Variants in PRDM7 observed in about 807,000 individuals in gnomAD.
PRDM7 encodes the protein PR/SET domain 7.
A neutral mutation model predicts 64.3 loss-of-function variants in PRDM7; 52 were observed. The observed-to-expected ratio is 0.81, with a 90% CI of 0.65 to 1.02. The LOEUF is 1.02. Ranked by LOEUF, PRDM7 falls within the 50% of genes least tolerant of loss-of-function variation. The pLI, the probability that PRDM7 is intolerant of heterozygous loss-of-function variation, is 0.00. For synonymous variants in PRDM7, 192 were observed against 210.1 expected (o/e 0.91, Z 0.74); for missense variants, 574 against 597.1 (o/e 0.96, Z 0.40).
rs899744489 is a variant in PRDM7, at chr16:90,058,031, TC to T, written c.*257del. 55 of 1,610,890 alleles carry T rather than the reference TC, an allele frequency of 3.4e-5. No homozygotes were observed. In the African/African-American group the frequency reaches 6.8e-4, roughly 20 times the overall value. On this transcript the variant is annotated 3_prime_UTR_variant, in exon 11 of 11. Coordinates refer to ENST00000449207, the MANE Select transcript of PRDM7 (RefSeq NM_001098173.2). ...CCACACTCTCTGCAGACGTAGGGCTTCCCCCCTGTGTGTGTCCTTTGGTGTG... is the reference window on the plus strand; with the variant it reads ...CCACACTCTCTGCAGACGTAGGGCTTCCCCCTGTGTGTGTCCTTTGGTGTG...
At position 90,058,421 on chromosome 16, in the gene PRDM7, A is replaced by C; in HGVS notation, c.1347T>G (p.His449Gln). 1 of 1,614,172 alleles carries C rather than the reference A, an allele frequency of 6.2e-7. No individual in the cohort carries two copies. Among genetic ancestry groups the C allele is most frequent in the Non-Finnish European group, 8.5e-7 (1 of 1,180,028 alleles). Residue 449 changes from histidine (H) to glutamine (Q), a missense_variant, in exon 11 of 11, where the codon CAT becomes CAG. His to Gln is a conservative substitution (Grantham distance 24, BLOSUM62 0). Coordinates refer to ENST00000449207, the MANE Select transcript of PRDM7 (RefSeq NM_001098173.2). The part of the protein sequence containing the change: ...AITPLRTSQD[H>Q]LQENFSNQRI... Reference sequence around the variant, plus strand: ...TCTGGTTGGAGAAGTTTTCTTGCAGATGGTCCTGGGAAGTTCTGAGAGGAG... The same window carrying C: ...TCTGGTTGGAGAAGTTTTCTTGCAGCTGGTCCTGGGAAGTTCTGAGAGGAG...
chr16:90,067,177 G>A (rs2037888374), intron 4 of PRDM7, among the ~76,000 whole-genome samples: 1 of 151,070 alleles, frequency 6.6e-6, no homozygotes, highest in South Asian at 2.1e-4. Context: ...TGTTGGCGAT[G>A]CTGGTCTCGA....
At chr16:90,066,402 T>C (rs1380667855) in intron 5 of PRDM7, among the ~76,000 whole-genome samples, 1 of 151,328 alleles carries the variant, frequency 6.6e-6, no homozygotes, top group Non-Finnish European at 1.5e-5. Context: ...TAAAGACATA[T>C]GGGTAAGACA....
chr16:90,058,238 T>C lies in PRDM7; in HGVS notation c.*51A>G, dbSNP rs2037712327. On this transcript the variant is annotated 3_prime_UTR_variant, in exon 11 of 11. Transcript: ENST00000449207. ...ACTCTAGAGCTCCCCATTTGTCCTT[T>C]GGGTGGGCTAGAAAAGGCCCTTGAA... The C allele has an allele frequency of 3.1e-6, 5 of 1,614,156 alleles. No homozygotes were observed. The highest frequency in any genetic ancestry group is 1.1e-5 in the South Asian group (1 of 91,088).
In PRDM7 at chr16:90,057,755, A is replaced by C. The variant is rs2037706027; in HGVS notation, c.*534T>G. On this transcript the variant is annotated 3_prime_UTR_variant, in exon 11 of 11. Coordinates refer to ENST00000449207, the MANE Select transcript of PRDM7 (RefSeq NM_001098173.2). Reference sequence around the variant, plus strand: ...GGGTTAGCAGACTTTCGCTGAAGCCACCTCAGAGCTGGGGTGTGCAAGTGT... The same window carrying C: ...GGGTTAGCAGACTTTCGCTGAAGCCCCCTCAGAGCTGGGGTGTGCAAGTGT... 1 of 1,287,484 alleles carries C rather than the reference A, an allele frequency of 7.8e-7. No homozygotes were observed. The highest frequency in any genetic ancestry group is 1.0e-6 in the Non-Finnish European group (1 of 987,582). The allele number at this position is 1,287,484 out of a possible 1,614,324, so 79.8% of individuals were successfully genotyped here.
In PRDM7 at chr16:90,076,075, T is replaced by A. The variant is rs1254753915; in HGVS notation, c.-85-80A>T. The stretch of plus-strand genomic sequence containing the variant: ...CAAGGCTCTGTCTTCTCCATCTGGC[T>A]GGGGTGTTCAGAGCAGGAAGACTGG... On this transcript the variant is annotated intron_variant, in intron 1 of 10. Coordinates refer to ENST00000449207, the MANE Select transcript of PRDM7 (RefSeq NM_001098173.2). 3.7e-6 allele frequency: 3 copies of A among 808,520 alleles called. No individual in the cohort carries two copies. The Admixed American group carries it at 7.6e-5, about 20-fold the overall frequency. The allele number at this position is 808,520 out of a possible 1,614,324, so 50.1% of individuals were successfully genotyped here.
At position 90,075,820 on chromosome 16, in the gene PRDM7, C is replaced by A. The variant is rs1025846506; in HGVS notation, c.69+22G>T. ...AGATCAGCTCCTGCTGGGAGTCTGG[C>A]TTCGCCTCCCCGACTTCTCACCATG... On this transcript the variant is annotated intron_variant, in intron 2 of 10. Coordinates refer to ENST00000449207, the MANE Select transcript of PRDM7 (RefSeq NM_001098173.2). This position sits in a 1 kb window ranked among gnomAD's most constrained non-coding sequence, Gnocchi z 4.3. 3 of 1,611,582 alleles carry A rather than the reference C, an allele frequency of 1.9e-6. No homozygotes were observed. The highest frequency in any genetic ancestry group is 1.7e-5 in the Admixed American group (1 of 59,724).
chr16:90,075,334 C>T lies in PRDM7; in HGVS notation c.193+17G>A. ...TTATATCGCCCAGGCTGGTCTGTGCCCAGCACTTCCTGTTACCTACAGTAA... is the reference window on the plus strand; with the variant it reads ...TTATATCGCCCAGGCTGGTCTGTGCTCAGCACTTCCTGTTACCTACAGTAA... On this transcript the variant is annotated intron_variant, in intron 3 of 10. Transcript: ENST00000449207. This position sits in a 1 kb window ranked among gnomAD's most constrained non-coding sequence, Gnocchi z 4.3. 6.2e-7 allele frequency: 1 copy of T among 1,614,164 alleles called. No individual in the cohort carries two copies. The highest frequency in any genetic ancestry group is 8.5e-7 in the Non-Finnish European group (1 of 1,180,044).
At position 90,062,132 on chromosome 16, in the gene PRDM7, A is replaced by C. The variant is rs1246681194; in HGVS notation, c.671T>G (p.Phe224Cys). The change falls in exon 8 of 11, where the codon TTT (phenylalanine) becomes TGT (cysteine). Residue 224 changes from phenylalanine to cysteine, a missense_variant. Transcript: ENST00000449207. ...DSCAAHGPPT[F>C]VKDSAVDKGH... ...CTTGTCCACTGCACTGTCCTTTACA[A>C]ATGTAGGGGGCCCATGAGCAGCACA... The C allele has an allele frequency of 6.2e-7, 1 of 1,614,230 alleles. No homozygotes were observed. Among genetic ancestry groups the C allele is most frequent in the South Asian group, 1.1e-5 (1 of 91,086 alleles).
At chr16:90,061,608 C>T in intron 8 of PRDM7, 89 bp from the exon 9 acceptor site, 1 of 1,460,664 alleles carries the variant, frequency 6.8e-7, no homozygotes. Flanking sequence ...GCCTTTGGAC[C>T]TGCAGAGCTT....
chr16:90,073,695 A>G (rs1163599498), intron 4 of PRDM7, among the ~76,000 whole-genome samples: 2 of 151,514 alleles, frequency 1.3e-5, no homozygotes, highest in African/African-American at 2.4e-5. Flanking sequence ...TTTGTTGAAC[A>G]TTTATGTTTT....
chr16:90,068,031 A>C (rs1233574133), intron 4 of PRDM7, among the ~76,000 whole-genome samples: 1 of 151,378 alleles, frequency 6.6e-6, no homozygotes, highest in East Asian at 1.9e-4. Context: ...CAATTAGGCC[A>C]GTAAAATAAA....
intron 10 of PRDM7, among the ~76,000 whole-genome samples, chr16:90,059,870 A>G (rs2037742335): frequency 1.3e-5 from 2 of 152,228 alleles, no homozygotes; most frequent in African/African-American, 2.4e-5. Flanking sequence ...TCTGTTCAAG[A>G]GCAGTTTTTT....
At position 90,063,641 on chromosome 16, in the gene PRDM7, G is replaced by C. The variant is rs1410436638; in HGVS notation, c.479C>G (p.Thr160Ser). Residue 160 changes from threonine to serine, a missense_variant, in exon 6 of 11, where the codon ACC (threonine) becomes AGC (serine). Physicochemically the swap from Thr to Ser is moderately conservative, Grantham distance 58 (BLOSUM62 1). Transcript: ENST00000449207. ...TTTTAGTCTAGAGTGCTGTCCAGAGGTACTTGCTTCTCCAGGAGGGGACAC... is the reference window on the plus strand; with the variant it reads ...TTTTAGTCTAGAGTGCTGTCCAGAGCTACTTGCTTCTCCAGGAGGGGACAC... ...KPVSPPGEAS[T>S]SGQHSRLKLE... 2 of 1,613,792 alleles carry C rather than the reference G, an allele frequency of 1.2e-6. No individual in the cohort carries two copies. Among genetic ancestry groups the C allele is most frequent in the South Asian group, 2.2e-5 (2 of 91,058 alleles).
chr16:90,063,759 T>TG lies in PRDM7; in HGVS notation c.360dup (p.Lys121GlnfsTer6), dbSNP rs761494852. 37 of 1,614,076 alleles carry TG rather than the reference T, an allele frequency of 2.3e-5. 1 individual carries two copies. Among genetic ancestry groups the TG allele is most frequent in the Admixed American group, 1.5e-4 (9 of 60,006 alleles). On this transcript the variant is annotated frameshift_variant, in exon 6 of 11. Transcript: ENST00000449207. LOFTEE classifies it high-confidence loss of function. ...CTAGATTCATTATTGAATGACGCCT[T>TG]GGGCATTCCCTTTAATGTGAGAATC...
chr16:90,063,595 C>G lies in PRDM7; in HGVS notation c.508+17G>C. On this transcript the variant is annotated intron_variant, in intron 6 of 10. Coordinates refer to ENST00000449207, the MANE Select transcript of PRDM7 (RefSeq NM_001098173.2). ...GAGGACATAGAGGGACTAAATTCCC[C>G]TCAAATTTTTTCTTACCCAGTTTTA... 1.9e-6 allele frequency: 3 copies of G among 1,612,150 alleles called. No individual in the cohort carries two copies. The highest frequency in any genetic ancestry group is 2.5e-6 in the Non-Finnish European group (3 of 1,179,636).
intron 1 of PRDM7, among the ~76,000 whole-genome samples, chr16:90,076,609 G>A (rs567042702): frequency 6.6e-6 from 1 of 152,122 alleles, no homozygotes; most frequent in African/African-American, 2.4e-5. Context: ...GAGGAGCTTT[G>A]GTATCCCTCA....
chr16:90,072,319 C>T (rs1376269525), intron 4 of PRDM7, among the ~76,000 whole-genome samples: 2 of 151,732 alleles, frequency 1.3e-5, no homozygotes, highest in South Asian at 2.1e-4. Flanking sequence ...AGACAAGAGG[C>T]GAAGCAACCT....
chr16:90,074,117 A>G (rs1254319634), intron 4 of PRDM7, among the ~76,000 whole-genome samples: 1 of 151,438 alleles, frequency 6.6e-6, no homozygotes, highest in African/African-American at 2.4e-5. Context: ...ACTGGGGGCT[A>G]TGCACGGTGG....
Sources: gnomAD v4.1 joint callset for allele counts (sites outside exome capture counted in the v4.1 genomes callset) on GRCh38, gnomAD v4.1.1 for gene constraint, Gnocchi (gnomAD v3.1) non-coding constraint, MANE v1.5 for transcripts, NCBI Gene and HGNC (gene_info 2026-07-23, HGNC 2026-07-21) for gene names.